Variants in PRKCZ observed in about 807,000 individuals in gnomAD.
PRKCZ encodes protein kinase C zeta type.
In PRKCZ, 33 loss-of-function variants were observed where a neutral mutation model predicts 79.5. The observed-to-expected ratio is 0.41, with a 90% CI of 0.31 to 0.55. The LOEUF (loss-of-function observed/expected upper bound fraction) is 0.55. Among genes scored for constraint, PRKCZ ranks in the 20% least tolerant of loss-of-function variants. The pLI is 0.19. For synonymous variants in PRKCZ, 342 were observed against 320.9 expected, an observed-to-expected ratio of 1.07 and a Z score of -0.70; for missense variants, 578 against 813.5, an observed-to-expected ratio of 0.71 and a Z score of 3.52.
chr1:2,074,596 C>T, intron 4 of PRKCZ: 1 of 488,920 alleles, frequency 2.0e-6, no homozygotes, highest in Non-Finnish European at 3.7e-6. Flanking sequence ...GTCTTTCCGT[C>T]TCGAGCCTGC....
intron 4 of PRKCZ, among the ~76,000 whole-genome samples, chr1:2,106,719 T>C (rs7349071): frequency 0.35 from 6,621 of 19,188 alleles, 1,367 homozygotes; most frequent in Admixed American, 0.49. Context: ...AGGACCTCCA[T>C]GCGTGTCACC....
At chr1:2,153,109 C>T (rs1008913267) in intron 9 of PRKCZ, among the ~76,000 whole-genome samples, 1 of 152,250 alleles carries the variant, frequency 6.6e-6, no homozygotes, top group Admixed American at 6.5e-5. Flanking sequence ...CAACACCACA[C>T]GGGCCTGTTT....
intron 10 of PRKCZ, among the ~76,000 whole-genome samples, chr1:2,167,117 C>A (rs538784697): frequency 6.6e-6 from 1 of 152,216 alleles, no homozygotes; most frequent in Non-Finnish European, 1.5e-5. Context: ...GACAAAAAAA[C>A]CCCACCATCA....
chr1:2,089,048 G>A (rs534437022), intron 4 of PRKCZ, among the ~76,000 whole-genome samples: 4 of 152,210 alleles, frequency 2.6e-5, no homozygotes, highest in African/African-American at 9.7e-5. Flanking sequence ...ATCCCTCCCT[G>A]TCATCAGCTA....
intron 10 of PRKCZ, chr1:2,156,397 A>G (rs1028953032): frequency 1.1e-4 from 34 of 297,716 alleles, no homozygotes; most frequent in Non-Finnish European, 1.8e-4. Flanking sequence ...TTCTGTGCTT[A>G]TTAAAATATG....
chr1:2,074,466 G>A (rs1312345549), intron 4 of PRKCZ, among the ~76,000 whole-genome samples: 1 of 152,184 alleles, frequency 6.6e-6, no homozygotes, highest in Non-Finnish European at 1.5e-5. Flanking sequence ...ACGGATGGCC[G>A]CTTCGTCTCC....
chr1:2,057,953 C>T (rs1028469705), intron 3 of PRKCZ, among the ~76,000 whole-genome samples: 2 of 152,284 alleles, frequency 1.3e-5, no homozygotes, highest in South Asian at 4.1e-4. Flanking sequence ...ATGCAACCTC[C>T]GCCTCCCGGG....
intron 4 of PRKCZ, among the ~76,000 whole-genome samples, chr1:2,097,609 G>A (rs956696210): frequency 4.0e-5 from 6 of 151,750 alleles, no homozygotes; most frequent in African/African-American, 4.9e-5. Flanking sequence ...GGCACGCCTC[G>A]CACCCAGCTG....
intron 9 of PRKCZ, among the ~76,000 whole-genome samples, chr1:2,153,503 C>T (rs879584245): frequency 2.6e-5 from 4 of 152,218 alleles, no homozygotes; most frequent in Non-Finnish European, 5.9e-5. Flanking sequence ...CTGTGCAGTG[C>T]ACAGGCTGTC....
At chr1:2,093,256 G>C (rs1665833505) in intron 4 of PRKCZ, among the ~76,000 whole-genome samples, 1 of 152,158 alleles carries the variant, frequency 6.6e-6, no homozygotes, top group Admixed American at 6.5e-5. Context: ...CAGGTGTGGA[G>C]TGTGGGCCCG....
At chr1:2,133,831 C>A (rs369494134) in intron 4 of PRKCZ, 6 of 152,508 alleles carry the variant, frequency 3.9e-5, no homozygotes, top group African/African-American at 1.4e-4. Flanking sequence ...CTACGGACTC[C>A]TGGAGCCAGG....
Position 2,056,473 on chromosome 1 carries a change from G to A in PRKCZ, c.194-11G>A. On this transcript the variant is annotated splice_polypyrimidine_tract_variant and intron_variant, in intron 2 of 17. Coordinates refer to ENST00000378567, the MANE Select transcript of PRKCZ (RefSeq NM_002744.6). ...TTCGGCGACGTCAGCACCGTCTCCT[G>A]CCCCACCCAGGTGACCCTTGCACGG... is the stretch of plus-strand genomic sequence containing the variant. The A allele has an allele frequency of 6.2e-7, 1 of 1,612,442 alleles. No homozygotes were observed. The highest frequency in any genetic ancestry group is 1.7e-5 in the Admixed American group (1 of 59,940).
In PRKCZ at chr1:2,140,843, CTA is replaced by C. The variant is rs1677169496; in HGVS notation, c.421-3364_421-3363del. Among the ~76,000 whole-genome samples, 3 of 152,326 alleles carry C rather than the reference CTA, an allele frequency of 2.0e-5. No homozygotes were observed. The South Asian group carries it at 6.2e-4, about 32-fold the overall frequency. ...ATCAGCCGGACGTGGTGGCAGGTGC[CTA>C]TAATCCCAGCTACTCAGGAGGCTGA... On this transcript the variant is annotated intron_variant, in intron 5 of 17. Transcript: ENST00000378567.
chr1:2,074,402 T>C, intron 4 of PRKCZ: 6 of 1,336,176 alleles, frequency 4.5e-6, no homozygotes, highest in Non-Finnish European at 6.2e-6. Flanking sequence ...TGTTGGGAGT[T>C]TCACTGTGGC....
chr1:2,163,168 C>T (rs1333923332), intron 10 of PRKCZ, among the ~76,000 whole-genome samples: 2 of 152,244 alleles, frequency 1.3e-5, no homozygotes, highest in African/African-American at 4.8e-5. Flanking sequence ...AGCTGGAACA[C>T]TTTGCACCGG....
At chr1:2,155,676 T>TG (rs1429349639) in intron 9 of PRKCZ, among the ~76,000 whole-genome samples, 1 of 134,724 alleles carries the variant, frequency 7.4e-6, no homozygotes, top group Non-Finnish European at 1.6e-5. Flanking sequence ...TGGGTGGAGG[T>TG]GGGAGGGATG....
At chr1:2,084,406 G>A (rs1664116480) in intron 4 of PRKCZ, among the ~76,000 whole-genome samples, 2 of 152,214 alleles carry the variant, frequency 1.3e-5, no homozygotes, top group Admixed American at 6.5e-5. Flanking sequence ...GCTTGCACTC[G>A]CGGCTCCCCT....
chr1:2,184,457 T>C (rs1687234117), intron 16 of PRKCZ, 126 bp from the exon 17 acceptor site: 2 of 673,326 alleles, frequency 3.0e-6, no homozygotes, highest in African/African-American at 1.8e-5. Context: ...GGCAGTCAAA[T>C]ACTAGGCAGA....
chr1:2,148,921 G>A lies in PRKCZ; in HGVS notation c.684G>A (p.Ser228=), dbSNP rs143254895. 1.4e-4 allele frequency: 233 copies of A among 1,613,826 alleles called. No homozygotes were observed. Among genetic ancestry groups the A allele is most frequent in the Admixed American group, 4.8e-4 (29 of 60,010 alleles). ...AGCATGACAGCATTAAAGACGACTC[G>A]GAGGTGAGTGTGTGGAGCAGCTCGC... The part of the protein sequence containing the change: ...SRKHDSIKDD[S]EDLKPVIDGM... Residue 228 remains serine (S), a synonymous_variant, in exon 8 of 18, where the codon TCG becomes TCA. Coordinates refer to ENST00000378567, the MANE Select transcript of PRKCZ (RefSeq NM_002744.6).
Sources: gnomAD v4.1 joint callset for allele counts (sites outside exome capture counted in the v4.1 genomes callset) on GRCh38, gnomAD v4.1.1 for gene constraint, MANE v1.5 for transcripts, NCBI Gene and HGNC (gene_info 2026-07-23, HGNC 2026-07-21) for gene names.